RIMS2: variants seen among roughly 807,000 people sequenced by gnomAD.
RIMS2 encodes the protein regulating synaptic membrane exocytosis protein 2.
In RIMS2, 59 loss-of-function variants were observed where a neutral mutation model predicts 174.4. The ratio of observed to expected loss-of-function variants is 0.34; its 90% CI spans 0.27 to 0.42. RIMS2 has a LOEUF of 0.42. RIMS2 is among the 10% of genes least tolerant of loss of function. The probability of loss-of-function intolerance (pLI) is 1.00; values close to 1 mark genes in which losing one functional copy is unlikely to be tolerated. For missense variants in RIMS2, 1,620 were observed against 1,666.3 expected (o/e 0.97, Z 0.48); for synonymous variants, 606 against 572.5 (o/e 1.06, Z -0.84).
At chr8:103,516,903 A>T (rs975546065) in intron 1 of RIMS2, among the ~76,000 whole-genome samples, 2 of 152,174 alleles carry the variant, frequency 1.3e-5, no homozygotes, top group Non-Finnish European at 2.9e-5. Flanking sequence ...ATATCCCCTT[A>T]TACATGTTTA....
At chr8:103,602,470 C>CCCGCCGCCGGGA (rs1203689695) in intron 1 of RIMS2, among the ~76,000 whole-genome samples, 1 of 152,074 alleles carries the variant, frequency 6.6e-6, no homozygotes, top group African/African-American at 2.4e-5. Flanking sequence ...TCTTCACCCT[C>CCCGCCGCCGGGA]AAAGAGGCTC....
At chr8:103,907,755 G>GTT (rs556948859) in intron 4 of RIMS2, among the ~76,000 whole-genome samples, 2 of 146,352 alleles carry the variant, frequency 1.4e-5, no homozygotes, top group African/African-American at 2.5e-5. Flanking sequence ...TATTTTTTAT[G>GTT]TTTTTTTTTT....
chr8:104,084,199 G>A (rs1488092921), intron 19 of RIMS2, among the ~76,000 whole-genome samples: 1 of 151,988 alleles, frequency 6.6e-6, no homozygotes, highest in Admixed American at 6.6e-5. Flanking sequence ...CCAGCAATTT[G>A]GGAGGCCGAG....
At chr8:103,979,823 G>C (rs2093742392) in intron 16 of RIMS2, among the ~76,000 whole-genome samples, 1 of 151,998 alleles carries the variant, frequency 6.6e-6, no homozygotes, top group African/African-American at 2.4e-5. Flanking sequence ...ACTCAGTGTT[G>C]CCCTGTCATG....
rs189615796 is a variant in RIMS2, at chr8:103,604,256, A to G, written c.177-92830A>G. On this transcript the variant is annotated intron_variant, in intron 1 of 23. Transcript: ENST00000504942. The stretch of plus-strand genomic sequence containing the variant: ...CCCAGCACCATTTATTAAATAGAGA[A>G]TCCTTTCCCCATTGCTTGTTTTTGT... Among the ~76,000 whole-genome samples the G allele has an allele frequency of 1.3e-4, 20 of 151,258 alleles. No homozygotes were observed. In the East Asian group the frequency reaches 3.9e-3, roughly 29 times the overall value.
chr8:104,141,053 T>A (rs1345306791), intron 19 of RIMS2, among the ~76,000 whole-genome samples: 5 of 152,132 alleles, frequency 3.3e-5, no homozygotes, highest in African/African-American at 1.2e-4. Context: ...TTAAATGTAG[T>A]TTTTGTGCTT....
chr8:104,223,347 C>T (rs1477269398), intron 19 of RIMS2: 3 of 1,134,456 alleles, frequency 2.6e-6, no homozygotes, highest in Non-Finnish European at 3.2e-6. Context: ...CCAGCAGCTC[C>T]AGCCTCCAGG....
chr8:104,083,835 G>GT (rs1307041191), intron 19 of RIMS2, among the ~76,000 whole-genome samples: 2 of 152,098 alleles, frequency 1.3e-5, no homozygotes, highest in Non-Finnish European at 2.9e-5. Context: ...TATTTCAGAT[G>GT]ACATGAGTTT....
At position 103,514,900 on chromosome 8, in the gene RIMS2, A is replaced by AAAC. The variant is rs760555689; in HGVS notation, c.176+13856_176+13858dup. Among the ~76,000 whole-genome samples the AAAC allele has an allele frequency of 1.3e-3, 201 of 149,920 alleles. 3 individuals carry two copies. Among genetic ancestry groups the AAAC allele is most frequent in the African/African-American group, 4.5e-3 (178 of 39,422 alleles). ...GCAACAGGGCAAGACTCTGTCTCAA[A>AAAC]AACAACAACAACAACAACAAAAAAA... On this transcript the variant is annotated intron_variant, in intron 1 of 23. Transcript: ENST00000504942.
intron 16 of RIMS2, chr8:103,976,137 C>T (rs2093400455): frequency 6.6e-6 from 1 of 152,162 alleles, no homozygotes; most frequent in Non-Finnish European, 1.5e-5. Flanking sequence ...CATTACAGAC[C>T]TATTTATCAC....
At chr8:104,134,828 G>A (rs1362745582) in intron 19 of RIMS2, among the ~76,000 whole-genome samples, 1 of 152,132 alleles carries the variant, frequency 6.6e-6, no homozygotes, top group Non-Finnish European at 1.5e-5. Flanking sequence ...AAATATTAGT[G>A]ATTTCACCAT....
At chr8:103,737,717 A>T (rs901619827) in intron 2 of RIMS2, among the ~76,000 whole-genome samples, 2 of 152,138 alleles carry the variant, frequency 1.3e-5, no homozygotes, top group Non-Finnish European at 2.9e-5. Flanking sequence ...TCCTGAAGCA[A>T]CCAAGCCCTT....
At chr8:104,167,370 C>T (rs970071690) in intron 19 of RIMS2, among the ~76,000 whole-genome samples, 5 of 152,190 alleles carry the variant, frequency 3.3e-5, no homozygotes, top group Non-Finnish European at 5.9e-5. Context: ...TATGGCCACT[C>T]TTGCAGGAGT....
chr8:103,511,494 G>A (rs1826416209), intron 1 of RIMS2, among the ~76,000 whole-genome samples: 1 of 152,114 alleles, frequency 6.6e-6, no homozygotes, highest in African/African-American at 2.4e-5. Flanking sequence ...ACATAAGTGT[G>A]CCTTCATATA....
At chr8:104,121,634 T>C (rs533569191) in intron 19 of RIMS2, among the ~76,000 whole-genome samples, 2 of 152,292 alleles carry the variant, frequency 1.3e-5, no homozygotes, top group South Asian at 2.1e-4. Flanking sequence ...TTAATAAATA[T>C]CTTTTGAGTG....
chr8:103,749,776 T>C (rs952907450), intron 2 of RIMS2, among the ~76,000 whole-genome samples: 2 of 152,120 alleles, frequency 1.3e-5, no homozygotes, highest in Non-Finnish European at 2.9e-5. Context: ...AATAAAGGGA[T>C]CAGGTGATTA....
chr8:103,775,259 AG>A (rs1485157158), intron 3 of RIMS2, among the ~76,000 whole-genome samples: 1 of 152,140 alleles, frequency 6.6e-6, no homozygotes, highest in East Asian at 1.9e-4. Flanking sequence ...AAGAAAAAAT[AG>A]CATAACCATG....
intron 3 of RIMS2, among the ~76,000 whole-genome samples, chr8:103,785,423 T>C (rs2098434684): frequency 6.6e-6 from 1 of 151,912 alleles, no homozygotes; most frequent in African/African-American, 2.4e-5. Context: ...AGATAGCTCT[T>C]CTTATTTTGA....
At chr8:104,222,217 T>C (rs2099158596) in intron 19 of RIMS2, among the ~76,000 whole-genome samples, 1 of 152,188 alleles carries the variant, frequency 6.6e-6, no homozygotes, top group Non-Finnish European at 1.5e-5. Context: ...GCAACTAAAA[T>C]GTAAGCTTCA....
Sources: allele counts gnomAD v4.1 joint callset (sites outside exome capture counted in the v4.1 genomes callset), GRCh38; gene constraint gnomAD v4.1.1; transcripts MANE v1.5; gene names NCBI Gene and HGNC (gene_info 2026-07-23, HGNC 2026-07-21).